Variants in H2BC18 observed in about 807,000 individuals in gnomAD.
H2BC18 encodes histone H2B type 2-F.
H2BC18 carries 8 observed loss-of-function variants against 6.3 expected under a neutral mutation model. The ratio of observed to expected loss-of-function variants is 1.28; its 90% CI spans 0.75 to 2.31. The LOEUF (loss-of-function observed/expected upper bound fraction) is 2.31, where lower values mean the gene tolerates loss of function less well. Among genes scored for constraint, H2BC18 ranks in the 30% most tolerant of loss-of-function variants. H2BC18 has a pLI of 0.00. For synonymous variants in H2BC18, 104 were observed against 78.1 expected (o/e 1.33, Z -1.75); for missense variants, 106 against 174.5 (o/e 0.61, Z 2.21).
chr1:149,796,284 C>T (rs1553752770), intron 1 of H2BC18, among the ~76,000 whole-genome samples: 3 of 152,048 alleles, frequency 2.0e-5, no homozygotes, highest in Non-Finnish European at 4.4e-5. Context: ...GATTCCCAGA[C>T]ATAATATGGG....
At chr1:149,807,821 AAGAGAGAG>A, downstream of H2BC18, among the ~76,000 whole-genome samples, 1 of 133,242 alleles carries the variant, frequency 7.5e-6, no homozygotes, top group South Asian at 2.2e-4. Context: ...AGAAGAAAGA[AAGAGAGAG>A]AGAGAGAGAA....
At chr1:149,802,977 T>C (rs1312663474) in intron 1 of H2BC18, among the ~76,000 whole-genome samples, 2 of 152,328 alleles carry the variant, frequency 1.3e-5, no homozygotes, top group East Asian at 1.9e-4. Context: ...CCTCTCCTAG[T>C]CCACTGACTC....
chr1:149,801,024 T>C (rs587607589), intron 1 of H2BC18, among the ~76,000 whole-genome samples: 1 of 152,300 alleles, frequency 6.6e-6, no homozygotes, highest in Non-Finnish European at 1.5e-5. Flanking sequence ...AGGTTGGGGC[T>C]GCAGTGAGTT....
chr1:149,804,570 G>A (rs2101481890), intron 1 of H2BC18, among the ~76,000 whole-genome samples: 2 of 152,180 alleles, frequency 1.3e-5, no homozygotes, highest in South Asian at 2.1e-4. Flanking sequence ...TGCTCTGGAA[G>A]TACAATGGTG....
At chr1:149,785,969 A>G (rs1438520112) in intron 1 of H2BC18, 2 of 152,076 alleles carry the variant, frequency 1.3e-5, no homozygotes, top group Non-Finnish European at 2.9e-5. Flanking sequence ...CATGTTGTAA[A>G]TTGAAGTTCA....
downstream of H2BC18, chr1:149,811,257 C>T (rs1402094650): frequency 1.3e-5 from 2 of 155,284 alleles, no homozygotes; most frequent in Non-Finnish European, 2.8e-5. Flanking sequence ...ACTTCTAGCA[C>T]CTCCCCCGCA....
At chr1:149,810,409 C>T (rs1165455418), downstream of H2BC18, 1 of 151,848 alleles carries the variant, frequency 6.6e-6, no homozygotes, top group African/African-American at 2.4e-5. Context: ...TCATGTATAC[C>T]GCATTTTATA....
At chr1:149,811,698 GCA>G (rs2091976459), downstream of H2BC18, 1 of 623,516 alleles carries the variant, frequency 1.6e-6, no homozygotes, top group Non-Finnish European at 2.8e-6. Context: ...GAATCTCGTA[GCA>G]CAGATAACAA....
chr1:149,806,229 A>G (rs1464103352), intron 1 of H2BC18, among the ~76,000 whole-genome samples: 3 of 152,216 alleles, frequency 2.0e-5, no homozygotes, highest in South Asian at 2.1e-4. Context: ...ATTTTTATGG[A>G]TATCAGTCTC....
downstream of H2BC18, among the ~76,000 whole-genome samples, chr1:149,807,821 AAGAGAG>A (rs587706663): frequency 7.5e-6 from 1 of 133,172 alleles, no homozygotes; most frequent in South Asian, 2.2e-4. Flanking sequence ...AGAAGAAAGA[AAGAGAG>A]AGAGAGAGAG....
chr1:149,793,100 C>A, intron 1 of H2BC18: 5 of 1,274,284 alleles, frequency 3.9e-6, no homozygotes, highest in Non-Finnish European at 5.1e-6. Context: ...CGCCAAGCCC[C>A]GGGGATGCTG....
chr1:149,810,134 T>C (rs2091957675), downstream of H2BC18, among the ~76,000 whole-genome samples: 1 of 151,874 alleles, frequency 6.6e-6, no homozygotes, highest in African/African-American at 2.4e-5. Context: ...CCCTAATCCT[T>C]AAGAAAAAAG....
At chr1:149,800,717 T>A (rs1424237979) in intron 1 of H2BC18, among the ~76,000 whole-genome samples, 13 of 146,910 alleles carry the variant, frequency 8.8e-5, no homozygotes, top group Non-Finnish European at 1.6e-4. Flanking sequence ...TTCCAAGATG[T>A]GGGAGCGCCC....
intron 1 of H2BC18, among the ~76,000 whole-genome samples, chr1:149,789,393 A>AAATAATAATAATAATAATAATAATAAT (rs781855250): frequency 2.0e-5 from 3 of 148,782 alleles, no homozygotes; most frequent in Non-Finnish European, 3.0e-5. Flanking sequence ...ACTACGTCTC[A>AAATAATAATAATAATAATAATAATAAT]AATAATAATA....
chr1:149,791,633 A>G, intron 1 of H2BC18: 2 of 1,516,316 alleles, frequency 1.3e-6, no homozygotes, highest in South Asian at 2.6e-5. Flanking sequence ...GTCTCATGGT[A>G]TGTAACTCTT....
rs587663236 is a variant in H2BC18 at position 149,787,510 on chromosome 1, G to A, written c.378-4250C>T. 4 of 152,510 alleles carry A rather than the reference G, an allele frequency of 2.6e-5. No homozygotes were observed. In the East Asian group the frequency reaches 7.7e-4, roughly 29 times the overall value. 9.4% of individuals were successfully genotyped at this position (152,510 alleles called of 1,614,324 possible). A position where few individuals can be genotyped will look rare whatever the true frequency, so the allele number is the denominator to read the frequency against. The stretch of plus-strand genomic sequence containing the variant: ...TGTAGTAGGATGTTTATATCTGGAT[G>A]TTTGCCCTTCTGTGTGTTTGTCTTA... On this transcript the variant is annotated intron_variant, in intron 1 of 1. Transcript: ENST00000545683.
chr1:149,805,793 G>A (rs2091911750), intron 1 of H2BC18, among the ~76,000 whole-genome samples: 1 of 152,008 alleles, frequency 6.6e-6, no homozygotes. Context: ...TTATTCTGAG[G>A]AGGTAGGAGG....
downstream of H2BC18, among the ~76,000 whole-genome samples, chr1:149,807,766 T>C (rs1474516880): frequency 6.6e-6 from 1 of 151,802 alleles, no homozygotes; most frequent in Non-Finnish European, 1.5e-5. Context: ...ATTGTGCCAC[T>C]GCACTCCAGC....
intron 1 of H2BC18, chr1:149,791,620 T>C: frequency 1.3e-6 from 2 of 1,527,044 alleles, no homozygotes; most frequent in South Asian, 1.3e-5. Context: ...ACCAGAACTG[T>C]GTGTCTCATG....
Sources: allele counts gnomAD v4.1 joint callset (sites outside exome capture counted in the v4.1 genomes callset), GRCh38; gene constraint gnomAD v4.1.1; transcripts MANE v1.5; gene names NCBI Gene and HGNC (gene_info 2026-07-23, HGNC 2026-07-21).